NOTCH2NLR: variants seen among roughly 807,000 people sequenced by gnomAD.
NOTCH2NLR encodes the protein notch 2 N-terminal like R.
Under a neutral mutation model 35.6 loss-of-function variants are expected in NOTCH2NLR, and 33 were observed. The ratio of observed to expected loss-of-function variants is 0.93; its 90% CI spans 0.70 to 1.24. The LOEUF is 1.24. Ranked by LOEUF, NOTCH2NLR falls within the 50% of genes most tolerant of loss-of-function variation. The pLI is 0.00. For missense variants in NOTCH2NLR, 276 were observed against 362.2 expected (o/e 0.76, Z 1.93); for synonymous variants, 103 against 141.0 (o/e 0.73, Z 1.91).
chr1:120,765,263 CTTG>C lies in NOTCH2NLR; in HGVS notation c.155+1557_155+1559del, dbSNP rs1403245675. ...ATACCTTAGAGTAGGCCACTGAAAT[CTTG>C]TTTAGTCTTTTTGTGGCATTTGGTG... On this transcript the variant is annotated intron_variant, in intron 2 of 4. Transcript: ENST00000624419. Among the ~76,000 whole-genome samples the C allele has an allele frequency of 2.2e-5, 2 of 90,358 alleles. 1 individual carries two copies. Among genetic ancestry groups the C allele is most frequent in the Non-Finnish European group, 4.1e-5 (2 of 48,532 alleles). The allele number at this position is 90,358 out of a possible 152,430, so 59.3% of individuals were successfully genotyped here. A position where few individuals can be genotyped will look rare whatever the true frequency, so the allele number is the denominator to read the frequency against.
Position 120,791,596 on chromosome 1 carries a change from A to G in NOTCH2NLR, c.416-1565A>G, listed in dbSNP as rs1318543413. On this transcript the variant is annotated intron_variant, in intron 3 of 4. Coordinates refer to ENST00000624419, the Ensembl canonical transcript of NOTCH2NLR. Reference sequence around the variant, plus strand: ...CTCACTCATAGGTGGGAATTGAACAATGAGAACACTTGGACACAGGAAGGG... The same window carrying G: ...CTCACTCATAGGTGGGAATTGAACAGTGAGAACACTTGGACACAGGAAGGG... 5.7e-5 allele frequency among the ~76,000 whole-genome samples: 3 copies of G among 52,634 alleles called. 1 individual carries two copies. Among genetic ancestry groups the G allele is most frequent in the Non-Finnish European group, 9.7e-5 (3 of 30,940 alleles). The allele number at this position is 52,634 out of a possible 152,430, so 34.5% of individuals were successfully genotyped here. A position where few individuals can be genotyped will look rare whatever the true frequency, so the allele number is the denominator to read the frequency against.
At chr1:120,793,259 A>C in exon 4 of NOTCH2NLR, 1 of 1,394,586 alleles carries the variant, frequency 7.2e-7, no homozygotes, top group Non-Finnish European at 9.6e-7. Flanking sequence ...CAAATGCCTC[A>C]CAGGCTTCAC....
chr1:120,754,831 C>G (rs1360073163), intron 1 of NOTCH2NLR, among the ~76,000 whole-genome samples: 3 of 115,386 alleles, frequency 2.6e-5, no homozygotes, highest in Admixed American at 8.5e-5. Flanking sequence ...TACAATTCTA[C>G]TTTCTCAACT....
rs1651214109 is a variant in NOTCH2NLR, at chr1:120,768,113, A to G, written c.155+4404A>G. On this transcript the variant is annotated intron_variant, in intron 2 of 4. Transcript: ENST00000624419. Reference sequence around the variant, plus strand: ...AAGATTGGCAGATCATCTTGATCCTATGGATGCTAGGTTTTAGGACACGTT... The same window carrying G: ...AAGATTGGCAGATCATCTTGATCCTGTGGATGCTAGGTTTTAGGACACGTT... Among the ~76,000 whole-genome samples, 2 of 104,090 alleles carry G rather than the reference A, an allele frequency of 1.9e-5. 1 individual carries two copies. 68.3% of individuals were successfully genotyped at this position (104,090 alleles called of 152,430 possible).
At chr1:120,780,156 A>G (rs1346750840) in intron 2 of NOTCH2NLR, among the ~76,000 whole-genome samples, 1 of 115,110 alleles carries the variant, frequency 8.7e-6, no homozygotes, top group Non-Finnish European at 1.7e-5. Flanking sequence ...TCAGGTATTC[A>G]GGGAACCTAC....
rs1316939946 is a variant in NOTCH2NLR at position 120,764,118 on chromosome 1, A to G, written c.155+409A>G. ...AAAAATTAGCCAGGTGTGGTGGCGC[A>G]TGACTGGAGTCCCAGCTACTCGGGA... is the stretch of plus-strand genomic sequence containing the variant. On this transcript the variant is annotated intron_variant, in intron 2 of 4. Coordinates refer to ENST00000624419, the Ensembl canonical transcript of NOTCH2NLR. 1.8e-5 allele frequency among the ~76,000 whole-genome samples: 2 copies of G among 111,230 alleles called. 1 individual carries two copies. Among genetic ancestry groups the G allele is most frequent in the Non-Finnish European group, 3.4e-5 (2 of 58,030 alleles). 73.0% of individuals were successfully genotyped at this position (111,230 alleles called of 152,430 possible). A position where few individuals can be genotyped will look rare whatever the true frequency, so the allele number is the denominator to read the frequency against.
At chr1:120,745,501 A>T (rs1413384489) in intron 1 of NOTCH2NLR, among the ~76,000 whole-genome samples, 1 of 74,602 alleles carries the variant, frequency 1.3e-5, no homozygotes, top group Non-Finnish European at 2.4e-5. Flanking sequence ...CAGATTACAA[A>T]CTGTAGGCCT....
chr1:120,788,088 C>T (rs1461408078), intron 3 of NOTCH2NLR, among the ~76,000 whole-genome samples: 4 of 62,476 alleles, frequency 6.4e-5, no homozygotes, highest in South Asian at 8.9e-4. Context: ...TTTGTAGTCC[C>T]GCCTGGATTG....
rs1395312573 is a variant in NOTCH2NLR, at chr1:120,791,361, G to A, written c.416-1800G>A. 8.6e-5 allele frequency among the ~76,000 whole-genome samples: 9 copies of A among 104,516 alleles called. 1 individual carries two copies. Among genetic ancestry groups the A allele is most frequent in the South Asian group, 2.7e-4 (1 of 3,708 alleles). 68.6% of individuals were successfully genotyped at this position (104,516 alleles called of 152,430 possible). Reference sequence around the variant, plus strand: ...ACACATGCACACGTATGTTTATTGCGGCACTATTCACAATAGCAAAGAGTT... The same window carrying A: ...ACACATGCACACGTATGTTTATTGCAGCACTATTCACAATAGCAAAGAGTT... On this transcript the variant is annotated intron_variant, in intron 3 of 4. Coordinates refer to ENST00000624419, the Ensembl canonical transcript of NOTCH2NLR.
rs1194133389 is a variant in NOTCH2NLR at position 120,764,090 on chromosome 1, T to C, written c.155+381T>C. On this transcript the variant is annotated intron_variant, in intron 2 of 4. Coordinates refer to ENST00000624419, the Ensembl canonical transcript of NOTCH2NLR. ...AGTGAAACCCTATCTCTACTAAAAA[T>C]ACAAAAATTAGCCAGGTGTGGTGGC... Among the ~76,000 whole-genome samples, 106 of 107,642 alleles carry C rather than the reference T, an allele frequency of 9.8e-4. 21 individuals carry two copies. The Middle Eastern group carries it at 0.012, about 12-fold the overall frequency. 70.6% of individuals were successfully genotyped at this position (107,642 alleles called of 152,430 possible).
intron 3 of NOTCH2NLR, among the ~76,000 whole-genome samples, chr1:120,790,577 T>TTTCTTTCC (rs1651479090): frequency 9.3e-6 from 1 of 107,216 alleles, no homozygotes; most frequent in Non-Finnish European, 1.7e-5. Context: ...TCTTTCTTTC[T>TTTCTTTCC]TTCTTTCTTT....
At chr1:120,781,627 G>A (rs1399981862) in intron 2 of NOTCH2NLR, among the ~76,000 whole-genome samples, 1 of 51,410 alleles carries the variant, frequency 1.9e-5, no homozygotes, top group Non-Finnish European at 3.2e-5. Context: ...GCAGTGGCGC[G>A]ATCTTGGCTC....
At chr1:120,780,155 C>T (rs1223232406) in intron 2 of NOTCH2NLR, among the ~76,000 whole-genome samples, 1 of 114,972 alleles carries the variant, frequency 8.7e-6, no homozygotes, top group Non-Finnish European at 1.7e-5. Context: ...CTCAGGTATT[C>T]AGGGAACCTA....
At chr1:120,727,028 T>C (rs1391449374) in intron 1 of NOTCH2NLR, among the ~76,000 whole-genome samples, 4 of 111,898 alleles carry the variant, frequency 3.6e-5, no homozygotes, top group African/African-American at 5.3e-5. Flanking sequence ...CTTAAAAATA[T>C]CACACCCACA....
chr1:120,789,536 T>C (rs1651460252), intron 3 of NOTCH2NLR, among the ~76,000 whole-genome samples: 2 of 108,740 alleles, frequency 1.8e-5, no homozygotes, highest in African/African-American at 1.2e-4. Context: ...CTCATGAGAC[T>C]TATTCACTAT....
At chr1:120,794,278 G>A (rs1651531134), downstream of NOTCH2NLR, among the ~76,000 whole-genome samples, 3 of 110,916 alleles carry the variant, frequency 2.7e-5, 1 homozygote. Context: ...TGGAGAGGGA[G>A]AAAGGAACAA....
Position 120,764,210 on chromosome 1 carries a change from G to A in NOTCH2NLR, c.155+501G>A, listed in dbSNP as rs1449306338. ...TGCAGTGAGCTGAGACCACATCATT[G>A]CACTCTAGCCTGGGTGACAGAGCAA... is the stretch of plus-strand genomic sequence containing the variant. On this transcript the variant is annotated intron_variant, in intron 2 of 4. Coordinates refer to ENST00000624419, the Ensembl canonical transcript of NOTCH2NLR. Among the ~76,000 whole-genome samples the A allele has an allele frequency of 8.6e-5, 10 of 115,838 alleles. 4 individuals carry two copies. The highest frequency in any genetic ancestry group is 1.3e-4 in the Non-Finnish European group (8 of 59,908). The allele number at this position is 115,838 out of a possible 152,430, so 76.0% of individuals were successfully genotyped here.
At position 120,768,136 on chromosome 1, in the gene NOTCH2NLR, G is replaced by A. The variant is rs1351626074; in HGVS notation, c.155+4427G>A. Among the ~76,000 whole-genome samples the A allele has an allele frequency of 1.3e-4, 14 of 107,936 alleles. 3 individuals are homozygous for A. The South Asian group carries it at 3.1e-3, about 24-fold the overall frequency. 70.8% of individuals were successfully genotyped at this position (107,936 alleles called of 152,430 possible). ...CTATGGATGCTAGGTTTTAGGACAC[G>A]TTAGGGTGGGCCTACTTCTGTTCTG... On this transcript the variant is annotated intron_variant, in intron 2 of 4. Coordinates refer to ENST00000624419, the Ensembl canonical transcript of NOTCH2NLR.
At chr1:120,765,138 C>A (rs1439891600) in intron 2 of NOTCH2NLR, among the ~76,000 whole-genome samples, 1 of 120,286 alleles carries the variant, frequency 8.3e-6, no homozygotes, top group East Asian at 2.0e-4. Context: ...TTATTATGAG[C>A]TGCTCATTTA....
Sources: gnomAD v4.1 joint callset for allele counts (sites outside exome capture counted in the v4.1 genomes callset) on GRCh38, gnomAD v4.1.1 for gene constraint, MANE v1.5 for transcripts, NCBI Gene and HGNC (gene_info 2026-07-23, HGNC 2026-07-21) for gene names.